Variants in CYTH3 observed in about 807,000 individuals in gnomAD.
The protein encoded by CYTH3 is cytohesin 3.
Under a neutral mutation model 55.1 loss-of-function variants are expected in CYTH3, and 23 were observed. The ratio of observed to expected loss-of-function variants is 0.42; its 90% CI spans 0.30 to 0.59. The LOEUF (loss-of-function observed/expected upper bound fraction) is 0.59. Ranked by LOEUF, CYTH3 falls within the 20% of genes least tolerant of loss-of-function variation. CYTH3 has a pLI of 0.20. For synonymous variants in CYTH3, 249 were observed against 194.9 expected (o/e 1.28, Z -2.31); for missense variants, 413 against 524.8 (o/e 0.79, Z 2.08).
At chr7:6,246,620 A>T (rs1562409233) in intron 1 of CYTH3, among the ~76,000 whole-genome samples, 1 of 152,210 alleles carries the variant, frequency 6.6e-6, no homozygotes, top group Non-Finnish European at 1.5e-5. Context: ...AAAAACAAAA[A>T]TAAAACAGTA....
At chr7:6,186,397 C>T (rs887329971) in intron 4 of CYTH3, among the ~76,000 whole-genome samples, 1 of 152,230 alleles carries the variant, frequency 6.6e-6, no homozygotes, top group African/African-American at 2.4e-5. Flanking sequence ...CAAAATGTCC[C>T]CCAAAAAGCT....
At chr7:6,267,429 C>T (rs963722124) in intron 1 of CYTH3, among the ~76,000 whole-genome samples, 4 of 152,214 alleles carry the variant, frequency 2.6e-5, no homozygotes, top group African/African-American at 9.6e-5. Context: ...TTTTTAAACT[C>T]TCAAAAATAC....
intron 1 of CYTH3, among the ~76,000 whole-genome samples, chr7:6,261,563 A>C (rs938959888): frequency 4.6e-5 from 7 of 152,000 alleles, no homozygotes; most frequent in African/African-American, 1.7e-4. Flanking sequence ...AAAATAAAAA[A>C]TAATTAGCTG....
intron 1 of CYTH3, among the ~76,000 whole-genome samples, chr7:6,213,820 C>A (rs1336706256): frequency 2.0e-5 from 3 of 151,986 alleles, no homozygotes; most frequent in Non-Finnish European, 4.4e-5. Flanking sequence ...ATCACAGGGG[C>A]CCAGCCCAGA....
chr7:6,247,850 A>G (rs1176843843), intron 1 of CYTH3, among the ~76,000 whole-genome samples: 1 of 151,874 alleles, frequency 6.6e-6, no homozygotes, highest in Non-Finnish European at 1.5e-5. Flanking sequence ...CGGAGGGCTT[A>G]CCATGGTTCC....
intron 1 of CYTH3, among the ~76,000 whole-genome samples, chr7:6,242,202 G>C (rs565483131): frequency 4.6e-5 from 7 of 151,574 alleles, no homozygotes; most frequent in Admixed American, 1.3e-4. Context: ...TCAGCCTCCC[G>C]AGTAGCTGGG....
intron 1 of CYTH3, among the ~76,000 whole-genome samples, chr7:6,262,799 G>C (rs1036129495): frequency 1.3e-5 from 2 of 152,214 alleles, no homozygotes; most frequent in African/African-American, 4.8e-5. Context: ...CATGCCTGTA[G>C]TCCTAGCTAC....
chr7:6,267,292 C>T (rs772784569), intron 1 of CYTH3, among the ~76,000 whole-genome samples: 7 of 152,156 alleles, frequency 4.6e-5, no homozygotes, highest in East Asian at 1.9e-4. Context: ...AATGCAAAAA[C>T]GGCATGACAC....
chr7:6,258,271 C>G (rs577278817), intron 1 of CYTH3, among the ~76,000 whole-genome samples: 1 of 151,280 alleles, frequency 6.6e-6, no homozygotes, highest in East Asian at 1.9e-4. Flanking sequence ...CATGATCATG[C>G]CACTGCACTC....
At chr7:6,193,460 C>A (rs1419787418) in intron 1 of CYTH3, among the ~76,000 whole-genome samples, 5 of 151,374 alleles carry the variant, frequency 3.3e-5, no homozygotes, top group Non-Finnish European at 5.9e-5. Context: ...CCTGTCACAA[C>A]AAAGAGAATG....
At chr7:6,186,937 C>T (rs1783669612) in intron 4 of CYTH3, 113 bp downstream of exon 4, 1 of 1,088,350 alleles carries the variant, frequency 9.2e-7, no homozygotes, top group Non-Finnish European at 1.4e-6. Flanking sequence ...AACTCCCAGT[C>T]TTTTATGAGG....
At chr7:6,195,035 G>C (rs1783892959) in intron 1 of CYTH3, among the ~76,000 whole-genome samples, 1 of 151,794 alleles carries the variant, frequency 6.6e-6, no homozygotes, top group African/African-American at 2.4e-5. Flanking sequence ...AATGAAAAGA[G>C]AAAAAGTAGG....
chr7:6,171,193 T>C lies in CYTH3; in HGVS notation c.562+9A>G. On this transcript the variant is annotated intron_variant, in intron 7 of 12. Transcript: ENST00000350796. The surrounding 1 kb of genome is among the most constrained non-coding windows in gnomAD (Gnocchi z 6.7). Reference sequence around the variant, plus strand: ...TGGCAAGGGGCCAGGCTGTGGGCTCTGCACTGACCTGTGGACTGGAAGACC... The same window carrying C: ...TGGCAAGGGGCCAGGCTGTGGGCTCCGCACTGACCTGTGGACTGGAAGACC... 9 of 1,614,048 alleles carry C rather than the reference T, an allele frequency of 5.6e-6. No homozygotes were observed. Among genetic ancestry groups the C allele is most frequent in the Non-Finnish European group, 7.6e-6 (9 of 1,179,920 alleles).
chr7:6,185,865 G>A (rs1388384469), intron 4 of CYTH3, among the ~76,000 whole-genome samples: 2 of 152,066 alleles, frequency 1.3e-5, no homozygotes, highest in Non-Finnish European at 2.9e-5. Context: ...ATGGAATTCT[G>A]CAATCAGATA....
At chr7:6,182,325 C>T (rs544366229) in intron 4 of CYTH3, among the ~76,000 whole-genome samples, 3 of 152,304 alleles carry the variant, frequency 2.0e-5, no homozygotes, top group Admixed American at 1.3e-4. Context: ...GCTCGGATTA[C>T]AGGCGTGAGC....
chr7:6,219,934 C>T (rs1784514690), intron 1 of CYTH3, among the ~76,000 whole-genome samples: 2 of 152,140 alleles, frequency 1.3e-5, no homozygotes, highest in Admixed American at 1.3e-4. Flanking sequence ...TTATTCAAGA[C>T]TGTGGTGTTG....
intron 2 of CYTH3, among the ~76,000 whole-genome samples, chr7:6,188,350 A>C (rs977828920): frequency 1.3e-5 from 2 of 151,662 alleles, no homozygotes; most frequent in African/African-American, 4.9e-5. Context: ...AAAAAAAACA[A>C]AAAAACAAAA....
intron 1 of CYTH3, among the ~76,000 whole-genome samples, chr7:6,215,998 AC>A (rs1372315388): frequency 6.6e-6 from 1 of 152,212 alleles, no homozygotes; most frequent in African/African-American, 2.4e-5. Context: ...ATAAAGGAAA[AC>A]GAAAACAACT....
Position 6,170,524 on chromosome 7 carries a change from C to T in CYTH3, c.823+11G>A, listed in dbSNP as rs368997542. 1.9e-6 allele frequency: 3 copies of T among 1,612,532 alleles called. No homozygotes were observed. The African/African-American group carries it at 4.0e-5, about 22-fold the overall frequency. ...GGGTCACGCCCGGGTCCCGCTGGGCCGGCGGCTCACCCAGCTTCAGGAGCC... is the reference window on the plus strand; with the variant it reads ...GGGTCACGCCCGGGTCCCGCTGGGCTGGCGGCTCACCCAGCTTCAGGAGCC... On this transcript the variant is annotated intron_variant, in intron 9 of 12. Coordinates refer to ENST00000350796, the MANE Select transcript of CYTH3 (RefSeq NM_004227.4). The surrounding 1 kb of genome is among the most constrained non-coding windows in gnomAD (Gnocchi z 7.8).
Sources: allele counts gnomAD v4.1 joint callset (sites outside exome capture counted in the v4.1 genomes callset), GRCh38; gene constraint gnomAD v4.1.1; non-coding constraint Gnocchi (gnomAD v3.1); transcripts MANE v1.5; gene names NCBI Gene and HGNC (gene_info 2026-07-23, HGNC 2026-07-21).